COL18A1: variants seen among roughly 807,000 people sequenced by gnomAD.
COL18A1 encodes collagen alpha-1(XVIII) chain.
In COL18A1, 133 loss-of-function variants were observed where a neutral mutation model predicts 168.0. The ratio of observed to expected loss-of-function variants is 0.79; its 90% CI spans 0.69 to 0.91. The LOEUF is 0.91. Among genes scored for constraint, COL18A1 ranks in the 40% least tolerant of loss-of-function variants. The pLI is 0.00. For missense variants in COL18A1, 2,126 were observed against 1,925.4 expected, an observed-to-expected ratio of 1.10 and a Z score of -1.95; for synonymous variants, 949 against 809.0, an observed-to-expected ratio of 1.17 and a Z score of -2.94.
chr21:45,510,978 CCCCA>C lies in COL18A1; in HGVS notation c.3694-131_3694-128del. On this transcript the variant is annotated intron_variant, in intron 40 of 41. Transcript: ENST00000651438. ...CACCCCACATACACCCCCAAACACC[CCCCA>C]CACCCCACACACACAACACACCCCC... 29 of 20,676 alleles carry C rather than the reference CCCCA, an allele frequency of 1.4e-3. 14 individuals carry two copies. The highest frequency in any genetic ancestry group is 9.0e-3 in the South Asian group (14 of 1,550). The allele number at this position is 20,676 out of a possible 1,614,324, so 1.3% of individuals were successfully genotyped here. A position where few individuals can be genotyped will look rare whatever the true frequency, so the allele number is the denominator to read the frequency against.
At chr21:45,456,075 C>A in intron 2 of COL18A1, 2 of 1,603,500 alleles carry the variant, frequency 1.2e-6, no homozygotes, top group South Asian at 1.1e-5. Flanking sequence ...GGCGCCCACA[C>A]AACCGAGGCT....
rs1040312004 is a variant in COL18A1 at position 45,456,721 on chromosome 21, C to T, written c.107-11521C>T. On this transcript the variant is annotated intron_variant, in intron 2 of 41. Coordinates refer to ENST00000651438, the MANE Select transcript of COL18A1 (RefSeq NM_001379500.1). Reference sequence around the variant, plus strand: ...TCTGCCTGCTGCTGGTCCCCCCATGCGGCAGCGTCCCGCCGCCCGCCCCGC... The same window carrying T: ...TCTGCCTGCTGCTGGTCCCCCCATGTGGCAGCGTCCCGCCGCCCGCCCCGC... 3.7e-5 allele frequency: 57 copies of T among 1,533,424 alleles called. No individual in the cohort carries two copies. The highest frequency in any genetic ancestry group is 1.7e-4 in the East Asian group (7 of 40,646). The allele number at this position is 1,533,424 out of a possible 1,614,324, so 95.0% of individuals were successfully genotyped here.
chr21:45,509,389 G>C lies in COL18A1; in HGVS notation c.3283G>C (p.Val1095Leu). ...AGTGGCCGCCTTGCAGCCCCCCGTG[G>C]TGCAGCTGCACGACAGCAACCCCTA... Reference protein sequence around the residue: ...NEVAALQPPVVQLHDSNPYPR... With the variant: ...NEVAALQPPVLQLHDSNPYPR... Residue 1095 changes from valine to leucine, a missense_variant, in exon 39 of 42, where the codon GTG (valine) becomes CTG (leucine). By Grantham distance (32) the Val-to-Leu change is conservative. Transcript: ENST00000651438. The C allele has an allele frequency of 1.3e-6, 2 of 1,543,426 alleles. No homozygotes were observed. The highest frequency in any genetic ancestry group is 1.4e-5 in the African/African-American group (1 of 73,082).
In COL18A1 at chr21:45,457,566, G is replaced by A. The variant is rs368266564; in HGVS notation, c.107-10676G>A. Among the ~76,000 whole-genome samples the A allele has an allele frequency of 1.3e-5, 2 of 152,310 alleles. No homozygotes were observed. The highest frequency in any genetic ancestry group is 3.9e-4 in the East Asian group (2 of 5,156). On this transcript the variant is annotated intron_variant, in intron 2 of 41. Transcript: ENST00000651438. This position sits in a 1 kb window ranked among gnomAD's most constrained non-coding sequence, Gnocchi z 4.6. ...GACAGTTGGGGGCAGGAAGAGGAGG[G>A]AAAGGGGGACTCTTTAACCTCCTGG...
At chr21:45,430,910 C>T (rs186063649) in intron 2 of COL18A1, among the ~76,000 whole-genome samples, 92 of 152,336 alleles carry the variant, frequency 6.0e-4, no homozygotes, top group South Asian at 1.2e-3. Context: ...GAACAGAACA[C>T]GTAGACCACC....
chr21:45,448,793 G>A lies in COL18A1; in HGVS notation c.107-19449G>A, dbSNP rs2034558723. On this transcript the variant is annotated intron_variant, in intron 2 of 41. Coordinates refer to ENST00000651438, the MANE Select transcript of COL18A1 (RefSeq NM_001379500.1). ...TGCGTATCTTTTGGGCAGTCCCAGA[G>A]CCGTCAGGGACCACGTGTTGCATTA... is the stretch of plus-strand genomic sequence containing the variant. Among the ~76,000 whole-genome samples the A allele has an allele frequency of 2.0e-5, 3 of 152,364 alleles. No homozygotes were observed. In the South Asian group the frequency reaches 6.2e-4, roughly 32 times the overall value.
chr21:45,480,104 G>A lies in COL18A1; in HGVS notation c.1346G>A (p.Gly449Glu). 1 of 1,608,140 alleles carries A rather than the reference G, an allele frequency of 6.2e-7. No homozygotes were observed. Residue 449 changes from glycine (G) to glutamate (E), a missense_variant, in exon 11 of 42, where the codon GGA becomes GAA. Gly to Glu is a moderately conservative substitution (Grantham distance 98, BLOSUM62 -2). Coordinates refer to ENST00000651438, the MANE Select transcript of COL18A1 (RefSeq NM_001379500.1). Reference protein sequence around the residue: ...DPGVGERGPPGPQGPPGPPGP... With the variant: ...DPGVGERGPPEPQGPPGPPGP... ...GGGGTTGGAGAGAGAGGGCCCCCAGGACCCCAAGGGCCTCCAGGGCCCCCA... is the reference window on the plus strand; with the variant it reads ...GGGGTTGGAGAGAGAGGGCCCCCAGAACCCCAAGGGCCTCCAGGGCCCCCA...
intron 2 of COL18A1, among the ~76,000 whole-genome samples, chr21:45,444,322 GGCGTGCAGGGGTGTAGTGAGGT>G (rs368445065): frequency 0.042 from 6,433 of 152,140 alleles, 176 homozygotes; most frequent in African/African-American, 0.073. Context: ...CCGAGTAGGT[GGCGTGCAGGGGTGTAGTGAGGT>G]GCGTGCAGGG....
At chr21:45,450,375 CCA>C (rs1295066747) in intron 2 of COL18A1, among the ~76,000 whole-genome samples, 1 of 152,130 alleles carries the variant, frequency 6.6e-6, no homozygotes, top group Non-Finnish European at 1.5e-5. Context: ...GAGAGGCAGC[CCA>C]GAGCCACCCG....
chr21:45,494,808 C>A, intron 27 of COL18A1, 54 bp from the exon 28 acceptor site: 1 of 1,526,712 alleles, frequency 6.6e-7, no homozygotes, highest in Non-Finnish European at 9.0e-7. Flanking sequence ...CCCCCCAACT[C>A]GTGGTCAAGG....
At chr21:45,510,936 AAAAC>A (rs1431222955) in intron 40 of COL18A1, among the ~76,000 whole-genome samples, 171 bp from the exon 41 acceptor site, 6 of 92,660 alleles carry the variant, frequency 6.5e-5, no homozygotes, top group Non-Finnish European at 1.1e-4. Context: ...ACCCCCCAAA[AAAAC>A]ACACACCCAC....
intron 32 of COL18A1, among the ~76,000 whole-genome samples, chr21:45,500,472 G>T (rs1437744117): frequency 3.5e-5 from 3 of 86,616 alleles, no homozygotes; most frequent in Admixed American, 1.2e-4. Context: ...TAGTGTGGGG[G>T]TGTGGTTTGG....
chr21:45,489,280 G>A (rs143359983), intron 18 of COL18A1, among the ~76,000 whole-genome samples: 11 of 152,296 alleles, frequency 7.2e-5, no homozygotes, highest in South Asian at 2.1e-4. Context: ...TTCCGCAGCC[G>A]TCCCGGCCGG....
intron 18 of COL18A1, among the ~76,000 whole-genome samples, chr21:45,488,701 T>C (rs2036199089): frequency 1.3e-5 from 2 of 152,088 alleles, no homozygotes; most frequent in Middle Eastern, 6.8e-3. Flanking sequence ...GATTCCTGGG[T>C]TCACACACCT....
At chr21:45,453,935 C>T (rs2034715637) in intron 2 of COL18A1, among the ~76,000 whole-genome samples, 1 of 152,170 alleles carries the variant, frequency 6.6e-6, no homozygotes, top group African/African-American at 2.4e-5. Flanking sequence ...CGGGATGGGG[C>T]TGGGGGTGTC....
chr21:45,497,582 G>C lies in COL18A1; in HGVS notation c.2621-17G>C. Reference sequence around the variant, plus strand: ...CCTGGCACATTCCTGATGGGCACTGGGTCTCTCTTCCTCCAGGGAATCAGG... The same window carrying C: ...CCTGGCACATTCCTGATGGGCACTGCGTCTCTCTTCCTCCAGGGAATCAGG... On this transcript the variant is annotated splice_polypyrimidine_tract_variant and intron_variant, in intron 31 of 41. Transcript: ENST00000651438. 1 of 1,555,722 alleles carries C rather than the reference G, an allele frequency of 6.4e-7. No individual in the cohort carries two copies. The highest frequency in any genetic ancestry group is 1.7e-4 in the Middle Eastern group (1 of 6,000).
intron 2 of COL18A1, among the ~76,000 whole-genome samples, chr21:45,416,905 GTCTTGC>G (rs1376386548): frequency 2.0e-5 from 3 of 152,058 alleles, no homozygotes; most frequent in Non-Finnish European, 4.4e-5. Context: ...TTGCAAGCTG[GTCTTGC>G]TCTCGAGAGA....
chr21:45,484,759 G>T (rs1181903078), intron 15 of COL18A1, among the ~76,000 whole-genome samples: 1 of 152,210 alleles, frequency 6.6e-6, no homozygotes, highest in African/African-American at 2.4e-5. Flanking sequence ...TTTGTAGTGT[G>T]TGTGCACATC....
At chr21:45,480,991 G>A (rs938578737) in intron 13 of COL18A1, 133 bp downstream of exon 13, 71 of 1,358,544 alleles carry the variant, frequency 5.2e-5, no homozygotes, top group Non-Finnish European at 6.9e-5. Flanking sequence ...TCCTCTAGGA[G>A]CTGGCGGGCA....
Sources: allele counts gnomAD v4.1 joint callset (sites outside exome capture counted in the v4.1 genomes callset), GRCh38; gene constraint gnomAD v4.1.1; non-coding constraint Gnocchi (gnomAD v3.1); transcripts MANE v1.5; gene names NCBI Gene and HGNC (gene_info 2026-07-23, HGNC 2026-07-21).